Variants in SYT8 observed in about 807,000 individuals in gnomAD.
SYT8 encodes synaptotagmin-8.
In SYT8, 50 loss-of-function variants were observed where a neutral mutation model predicts 34.9. That is an observed-to-expected ratio of 1.43 (90% CI 1.14 to 1.81). SYT8 has a LOEUF of 1.81. Ranked by LOEUF, SYT8 falls within the 40% of genes most tolerant of loss-of-function variation. The pLI is 0.00. For missense variants in SYT8, 595 were observed against 529.0 expected, an observed-to-expected ratio of 1.12 and a Z score of -1.22; for synonymous variants, 255 against 234.2, an observed-to-expected ratio of 1.09 and a Z score of -0.81.
chr11:1,834,705 G>C, upstream of SYT8: 7 of 1,263,758 alleles, frequency 5.5e-6, no homozygotes, highest in South Asian at 1.3e-5. This position sits in a 1 kb window ranked among gnomAD's most constrained non-coding sequence, Gnocchi z 4.5. Context: ...CAGGGCCCAG[G>C]GTCCAGGGCC....
chr11:1,833,041 C>T (rs1463680487), upstream of SYT8, among the ~76,000 whole-genome samples: 1 of 152,188 alleles, frequency 6.6e-6, no homozygotes, highest in Non-Finnish European at 1.5e-5. Flanking sequence ...TTAATCTCAG[C>T]ATGTATACAG....
In SYT8 at chr11:1,837,198, G is replaced by C; in HGVS notation, c.931G>C (p.Asp311His). 6.4e-7 allele frequency: 1 copy of C among 1,571,554 alleles called. No homozygotes were observed. Among genetic ancestry groups the C allele is most frequent in the South Asian group, 1.2e-5 (1 of 85,466 alleles). ...LVPFSQVQNV[D>H]LVLAVWDRSL... Reference sequence around the variant, plus strand: ...CTGGCCTGTCTCTGCACAGAATGTGGACCTGGTGCTGGCTGTCTGGGACCG... The same window carrying C: ...CTGGCCTGTCTCTGCACAGAATGTGCACCTGGTGCTGGCTGTCTGGGACCG... Residue 311 changes from aspartate to histidine, a missense_variant, in exon 8 of 8, where the codon GAC (aspartate) becomes CAC (histidine). Coordinates refer to ENST00000341958, the MANE Select transcript of SYT8 (RefSeq NM_001394072.1).
upstream of SYT8, chr11:1,834,850 G>A: frequency 1.6e-6 from 1 of 630,692 alleles, no homozygotes; most frequent in Non-Finnish European, 2.8e-6. This position sits in a 1 kb window ranked among gnomAD's most constrained non-coding sequence, Gnocchi z 4.5. Context: ...GGGGCTGGGG[G>A]CTGCTGGGAG....
Position 1,837,245 on chromosome 11 carries a change from G to T in SYT8, c.978G>T (p.Glu326Asp), listed in dbSNP as rs1198601680. The T allele has an allele frequency of 6.3e-7, 1 of 1,582,016 alleles. No homozygotes were observed. Reference protein sequence around the residue: ...VWDRSLPLRTEPVGKVHLGAR... With the variant: ...VWDRSLPLRTDPVGKVHLGAR... ...ACCGCAGCCTGCCGCTCCGAACTGA[G>T]CCCGTAGGCAAGGTGCACCTGGGTG... Residue 326 changes from glutamate (E) to aspartate (D), a missense_variant, in exon 8 of 8, where the codon GAG becomes GAT. Physicochemically the swap from Glu to Asp is conservative, Grantham distance 45 (BLOSUM62 2). Transcript: ENST00000341958.
rs754200432 is a variant in SYT8, at chr11:1,836,236, G to A, written c.468G>A (p.Val156=). ...CCGGACACAGACATGAGACAAAAGTGCACCGAGGCACGCTCTGCCCCGTGT... is the reference window on the plus strand; with the variant it reads ...CCGGACACAGACATGAGACAAAAGTACACCGAGGCACGCTCTGCCCCGTGT... The part of the protein sequence containing the change: ...TQAGHRHETK[V]HRGTLCPVFD... Residue 156 remains valine (V), a synonymous_variant, in exon 4 of 8, where the codon GTG becomes GTA. Transcript: ENST00000341958. 6.3e-7 allele frequency: 1 copy of A among 1,591,282 alleles called. No homozygotes were observed. The highest frequency in any genetic ancestry group is 8.5e-7 in the Non-Finnish European group (1 of 1,169,930).
intron 2 of SYT8, 87 bp from the exon 3 acceptor site, chr11:1,835,799 C>G: frequency 8.4e-7 from 1 of 1,192,240 alleles, no homozygotes; most frequent in South Asian, 1.3e-5. Flanking sequence ...GGTCTTGACC[C>G]ATGTCATGCA....
At chr11:1,836,687 T>G (rs1255661092) in intron 5 of SYT8, 69 bp from the exon 6 acceptor site, 9 of 1,592,970 alleles carry the variant, frequency 5.6e-6, no homozygotes, top group Non-Finnish European at 7.7e-6. Flanking sequence ...GGGCAGCATT[T>G]TCGGGGGTCT....
chr11:1,834,704 G>A (rs1200129569), upstream of SYT8: 1 of 1,282,740 alleles, frequency 7.8e-7, no homozygotes, highest in South Asian at 1.3e-5. This position sits in a 1 kb window ranked among gnomAD's most constrained non-coding sequence, Gnocchi z 4.5. Flanking sequence ...GCAGGGCCCA[G>A]GGTCCAGGGC....
chr11:1,835,608 T>C (rs1320956767), intron 2 of SYT8, 149 bp downstream of exon 2: 1 of 946,782 alleles, frequency 1.1e-6, no homozygotes, highest in African/African-American at 1.6e-5. Flanking sequence ...GGAAAGTGGG[T>C]GAACAGAGGT....
At chr11:1,834,754 G>T, upstream of SYT8, 1 of 852,142 alleles carries the variant, frequency 1.2e-6, no homozygotes, top group Non-Finnish European at 1.9e-6. This position sits in a 1 kb window ranked among gnomAD's most constrained non-coding sequence, Gnocchi z 4.5. Context: ...CTTCCTGGTG[G>T]AGGACGCATC....
In SYT8 at chr11:1,837,441, A is replaced by ATGCCTC; in HGVS notation, c.*13_*18dup. On this transcript the variant is annotated 3_prime_UTR_variant, in exon 8 of 8. Coordinates refer to ENST00000341958, the MANE Select transcript of SYT8 (RefSeq NM_001394072.1). ...CTTGCCCCACTCCTGAATGCACCAC[A>ATGCCTC]TGCCTCTGTCTCCCCGCTGAGCCCA... 1 of 1,604,580 alleles carries ATGCCTC rather than the reference A, an allele frequency of 6.2e-7. No individual in the cohort carries two copies. The highest frequency in any genetic ancestry group is 1.3e-5 in the African/African-American group (1 of 74,914).
chr11:1,833,530 A>G (rs950623221), upstream of SYT8, among the ~76,000 whole-genome samples: 2 of 152,028 alleles, frequency 1.3e-5, no homozygotes, highest in African/African-American at 4.8e-5. Flanking sequence ...TAATCCCTCC[A>G]TTGTGCTGGC....
chr11:1,837,462 G>A lies in SYT8; in HGVS notation c.*31G>A, dbSNP rs1848193154. ...CCACATGCCTCTGTCTCCCCGCTGA[G>A]CCCAGGCACTTGCCCAGGCCGCCCT... On this transcript the variant is annotated 3_prime_UTR_variant, in exon 8 of 8. Transcript: ENST00000341958. 6.3e-7 allele frequency: 1 copy of A among 1,597,796 alleles called. No individual in the cohort carries two copies. Among genetic ancestry groups the A allele is most frequent in the African/African-American group, 1.3e-5 (1 of 74,502 alleles).
chr11:1,836,884 T>C, intron 6 of SYT8, 23 bp downstream of exon 6: 2 of 1,612,598 alleles, frequency 1.2e-6, no homozygotes, highest in Non-Finnish European at 1.7e-6. Flanking sequence ...CCTGCCCACG[T>C]TGTTGTACAG....
chr11:1,834,445 C>T (rs1846786644), upstream of SYT8: 3 of 868,686 alleles, frequency 3.5e-6, no homozygotes, highest in African/African-American at 5.0e-5. This position sits in a 1 kb window ranked among gnomAD's most constrained non-coding sequence, Gnocchi z 4.5. Flanking sequence ...CGGCCCTGAG[C>T]CCCTGCCAGG....
rs1387156420 is a variant in SYT8 at position 1,836,180 on chromosome 11, C to T, written c.412C>T (p.Pro138Ser). Residue 138 changes from proline to serine, a missense_variant, in exon 4 of 8, where the codon CCC becomes TCC. Pro to Ser is a moderately conservative substitution (Grantham distance 74). Transcript: ENST00000341958. ...CCTGAGGCCTGGGGGCACCGTGGAC[C>T]CCTATGCCCGGGTCAGCGTCTCCAC... ...ADLRPGGTVD[P>S]YARVSVSTQA... The T allele has an allele frequency of 6.4e-7, 1 of 1,560,652 alleles. No homozygotes were observed. Among genetic ancestry groups the T allele is most frequent in the South Asian group, 1.2e-5 (1 of 83,832 alleles).
At chr11:1,835,671 C>T (rs544762946) in intron 2 of SYT8, 57 of 742,968 alleles carry the variant, frequency 7.7e-5, no homozygotes, top group Admixed American at 4.8e-4. Context: ...GGAGCCACAG[C>T]GGGTTCTTGA....
Position 1,835,422 on chromosome 11 carries a change from G to T in SYT8, c.221G>T (p.Gly74Val), listed in dbSNP as rs758527595. The T allele has an allele frequency of 3.7e-6, 6 of 1,609,756 alleles. No individual in the cohort carries two copies. Reference sequence around the variant, plus strand: ...AAGCCCAGGGACAAGGAGTCCGTGGGTCTGGGCAGTGCCCGCGGCACCACC... The same window carrying T: ...AAGCCCAGGGACAAGGAGTCCGTGGTTCTGGGCAGTGCCCGCGGCACCACC... ...RKKPRDKESV[G>V]LGSARGTTTT... is the part of the protein sequence containing the mutation. Residue 74 changes from glycine to valine, a missense_variant, in exon 2 of 8, where the codon GGT becomes GTT. By Grantham distance (109) the Gly-to-Val change is moderately radical. Coordinates refer to ENST00000341958, the MANE Select transcript of SYT8 (RefSeq NM_001394072.1).
At chr11:1,834,797 G>A, upstream of SYT8, 1 of 692,994 alleles carries the variant, frequency 1.4e-6, no homozygotes, top group South Asian at 1.7e-5. The surrounding 1 kb of genome is among the most constrained non-coding windows in gnomAD (Gnocchi z 4.5). Flanking sequence ...CTGAGGTCCG[G>A]TGAAGGCAGG....
Sources: gnomAD v4.1 joint callset for allele counts (sites outside exome capture counted in the v4.1 genomes callset) on GRCh38, gnomAD v4.1.1 for gene constraint, Gnocchi (gnomAD v3.1) non-coding constraint, MANE v1.5 for transcripts, NCBI Gene and HGNC (gene_info 2026-07-23, HGNC 2026-07-21) for gene names.